TCERG1L: variants seen among roughly 807,000 people sequenced by gnomAD.
TCERG1L encodes transcription elongation regulator 1-like protein.
Under a neutral mutation model 56.3 loss-of-function variants are expected in TCERG1L, and 37 were observed. That is an observed-to-expected ratio of 0.66 (90% CI 0.51 to 0.87). The LOEUF is 0.87. TCERG1L is among the 40% of genes least tolerant of loss of function. TCERG1L has a pLI of 0.00. For missense variants in TCERG1L, 799 were observed against 774.2 expected (o/e 1.03, Z -0.38); for synonymous variants, 324 against 326.3 (o/e 0.99, Z 0.08).
Position 131,246,563 on chromosome 10 carries a change from G to A in TCERG1L, c.856+13696C>T, listed in dbSNP as rs79194062. Reference sequence around the variant, plus strand: ...TGGAGAAGAACGGCAAAAAACAGAGGACAAGTTAGGGGCTTGTGAATCTCC... The same window carrying A: ...TGGAGAAGAACGGCAAAAAACAGAGAACAAGTTAGGGGCTTGTGAATCTCC... On this transcript the variant is annotated intron_variant, in intron 4 of 11. Coordinates refer to ENST00000368642, the MANE Select transcript of TCERG1L (RefSeq NM_174937.4). 3.9e-3 allele frequency among the ~76,000 whole-genome samples: 597 copies of A among 152,144 alleles called. 6 individuals are homozygous for A. Among genetic ancestry groups the A allele is most frequent in the African/African-American group, 0.012 (505 of 41,506 alleles).
chr10:131,278,165 G>A (rs71478078), intron 3 of TCERG1L, among the ~76,000 whole-genome samples: 7,209 of 151,230 alleles, frequency 0.048, 241 homozygotes, highest in Non-Finnish European at 0.074. Context: ...ACCTGACTCT[G>A]AAACCCCAGG....
intron 9 of TCERG1L, among the ~76,000 whole-genome samples, chr10:131,108,722 CAGATCCCACTGGGCTGA>C (rs1205039612): frequency 2.6e-5 from 4 of 152,222 alleles, no homozygotes; most frequent in Admixed American, 1.3e-4. Context: ...CTCCTCAGCC[CAGATCCCACTGGGCTGA>C]GATGAGGTGC....
intron 4 of TCERG1L, among the ~76,000 whole-genome samples, chr10:131,256,992 G>GGAAGGAAGGAAGGAAGGAAGGAAAGAAA (rs1846173015): frequency 1.7e-5 from 1 of 59,214 alleles, no homozygotes; most frequent in Non-Finnish European, 3.8e-5. Context: ...AAGGAAGGAA[G>GGAAGGAAGGAAGGAAGGAAGGAAAGAAA]GAAAGAAAGA....
chr10:131,274,497 T>G (rs1022920007), intron 3 of TCERG1L, among the ~76,000 whole-genome samples: 10 of 152,304 alleles, frequency 6.6e-5, no homozygotes, highest in Middle Eastern at 6.8e-3. Context: ...GCACATCCCT[T>G]TCATTTCATC....
chr10:131,222,945 G>A (rs555046317), intron 4 of TCERG1L, among the ~76,000 whole-genome samples: 30 of 152,280 alleles, frequency 2.0e-4, no homozygotes, highest in East Asian at 3.9e-4. Flanking sequence ...ACCCCGCCCC[G>A]CCTGTGGGAA....
At chr10:131,252,598 G>A (rs1173545790) in intron 4 of TCERG1L, among the ~76,000 whole-genome samples, 1 of 152,178 alleles carries the variant, frequency 6.6e-6, no homozygotes, top group Non-Finnish European at 1.5e-5. Context: ...ACTCTCCAGT[G>A]TGAGCTGCAG....
chr10:131,149,808 G>T (rs753082709), intron 6 of TCERG1L, among the ~76,000 whole-genome samples: 15 of 152,178 alleles, frequency 9.9e-5, no homozygotes, highest in African/African-American at 2.2e-4. Context: ...TGATGCCAGC[G>T]GGGGTGCAGG....
intron 4 of TCERG1L, among the ~76,000 whole-genome samples, chr10:131,251,452 GC>G (rs1846110579): frequency 6.6e-6 from 1 of 152,164 alleles, no homozygotes; most frequent in Non-Finnish European, 1.5e-5. Context: ...CAGTCTGCCA[GC>G]CACCTCCAGG....
chr10:131,218,872 G>A lies in TCERG1L; in HGVS notation c.856+41387C>T, dbSNP rs115978784. 6.1e-3 allele frequency among the ~76,000 whole-genome samples: 935 copies of A among 152,214 alleles called. 7 individuals are homozygous for A. Among genetic ancestry groups the A allele is most frequent in the African/African-American group, 0.022 (894 of 41,538 alleles). On this transcript the variant is annotated intron_variant, in intron 4 of 11. Coordinates refer to ENST00000368642, the MANE Select transcript of TCERG1L (RefSeq NM_174937.4). Reference sequence around the variant, plus strand: ...CATGTGGCCTCTGCGGAGGCCAGCCGTGCCCTGCTGTGACCTCTCCTCCTC... The same window carrying A: ...CATGTGGCCTCTGCGGAGGCCAGCCATGCCCTGCTGTGACCTCTCCTCCTC...
At chr10:131,120,647 T>C (rs145467629) in intron 8 of TCERG1L, among the ~76,000 whole-genome samples, 1,714 of 152,316 alleles carry the variant, frequency 0.011, 12 homozygotes, top group Non-Finnish European at 0.017. Flanking sequence ...ATCACAGCAC[T>C]ACCCAGATGG....
intron 11 of TCERG1L, among the ~76,000 whole-genome samples, chr10:131,096,493 T>A (rs1394436937): frequency 6.6e-6 from 1 of 152,244 alleles, no homozygotes; most frequent in Non-Finnish European, 1.5e-5. Flanking sequence ...AGAAGTTTTA[T>A]GAGGATTGTG....
intron 4 of TCERG1L, among the ~76,000 whole-genome samples, chr10:131,186,042 G>A (rs1364918224): frequency 6.6e-6 from 1 of 152,194 alleles, no homozygotes; most frequent in East Asian, 1.9e-4. Context: ...GGGACGAACT[G>A]CTGATATATG....
At chr10:131,269,957 C>A (rs978642722) in intron 3 of TCERG1L, among the ~76,000 whole-genome samples, 1 of 152,196 alleles carries the variant, frequency 6.6e-6, no homozygotes, top group South Asian at 2.1e-4. Context: ...CCACGGAGCA[C>A]GGCAACCCCA....
At chr10:131,106,321 G>A (rs376856105) in intron 9 of TCERG1L, among the ~76,000 whole-genome samples, 37 of 152,310 alleles carry the variant, frequency 2.4e-4, no homozygotes, top group East Asian at 2.3e-3. Context: ...GGGCCATGGC[G>A]GAGACAGACC....
chr10:131,300,103 T>C (rs750944129), intron 3 of TCERG1L, among the ~76,000 whole-genome samples: 4 of 152,190 alleles, frequency 2.6e-5, no homozygotes, highest in Non-Finnish European at 5.9e-5. Context: ...AGCTTTTGTT[T>C]GCTTGTTAAA....
intron 6 of TCERG1L, among the ~76,000 whole-genome samples, chr10:131,153,829 G>A (rs1256729658): frequency 6.6e-6 from 1 of 152,174 alleles, no homozygotes; most frequent in African/African-American, 2.4e-5. Flanking sequence ...AGGAGGCCGA[G>A]TGACGGCAAC....
chr10:131,163,657 G>T (rs1412349120), intron 5 of TCERG1L, among the ~76,000 whole-genome samples: 2 of 152,146 alleles, frequency 1.3e-5, no homozygotes, highest in Admixed American at 1.3e-4. Context: ...GTTAAGGCGG[G>T]AGGAGGCAAC....
chr10:131,187,119 G>A (rs982141972), intron 4 of TCERG1L, among the ~76,000 whole-genome samples: 2 of 152,192 alleles, frequency 1.3e-5, no homozygotes, highest in African/African-American at 2.4e-5. Flanking sequence ...CATGAGCTCC[G>A]AGGGAAATAG....
In TCERG1L at chr10:131,257,049, G is replaced by GA. The variant is rs547781119; in HGVS notation, c.856+3209dup. Among the ~76,000 whole-genome samples the GA allele has an allele frequency of 4.2e-3, 587 of 139,654 alleles. 2 individuals are homozygous for GA. The highest frequency in any genetic ancestry group is 7.2e-3 in the African/African-American group (269 of 37,260). 91.6% of individuals were successfully genotyped at this position (139,654 alleles called of 152,430 possible). The stretch of plus-strand genomic sequence containing the variant: ...AGAAAGAAAGAAAGAAAGAAAGAAA[G>GA]AAAGAAAAGAAAGAAAGAAAAAAAA... On this transcript the variant is annotated intron_variant, in intron 4 of 11. Transcript: ENST00000368642.
Sources: gnomAD v4.1 joint callset for allele counts (sites outside exome capture counted in the v4.1 genomes callset) on GRCh38, gnomAD v4.1.1 for gene constraint, MANE v1.5 for transcripts, NCBI Gene and HGNC (gene_info 2026-07-23, HGNC 2026-07-21) for gene names.